Variants in MAGI1 observed in about 807,000 individuals in gnomAD.
MAGI1 encodes the protein membrane associated guanylate kinase, WW and PDZ domain containing 1, also known as membrane-associated guanylate kinase, WW and PDZ domain-containing protein 1.
In MAGI1, 58 loss-of-function variants were observed where a neutral mutation model predicts 139.9. The observed-to-expected ratio is 0.41, with a 90% CI of 0.34 to 0.52. MAGI1 has a LOEUF of 0.52. Among genes scored for constraint, MAGI1 ranks in the 20% least tolerant of loss-of-function variants. The pLI is 0.12. For missense variants in MAGI1, 1,874 were observed against 1,901.6 expected (o/e 0.99, Z 0.27); for synonymous variants, 812 against 737.9 (o/e 1.10, Z -1.63).
chr3:65,405,437 G>A (rs534181875), intron 12 of MAGI1, among the ~76,000 whole-genome samples: 1 of 152,248 alleles, frequency 6.6e-6, no homozygotes, highest in South Asian at 2.1e-4. Flanking sequence ...TGCAAAGAAA[G>A]GCTAGAAGGT....
chr3:65,994,479 GTGCTGACTAAAGACT>G (rs1257589972), intron 1 of MAGI1, among the ~76,000 whole-genome samples: 3 of 152,132 alleles, frequency 2.0e-5, no homozygotes, highest in Non-Finnish European at 4.4e-5. Flanking sequence ...TCCACCCTGG[GTGCTGACTAAAGACT>G]TCTTGAATGT....
chr3:65,359,390 G>A lies in MAGI1; in HGVS notation c.3634+1809C>T, dbSNP rs554170988. 1.9e-5 allele frequency: 24 copies of A among 1,286,580 alleles called. No individual in the cohort carries two copies. The Admixed American group carries it at 4.0e-4, about 21-fold the overall frequency. 79.7% of individuals were successfully genotyped at this position (1,286,580 alleles called of 1,614,324 possible). ...TTTTTAGACAGCCATAAGGTGACTC[G>A]AGAACCCAGACAACGAATGCATCCT... is the stretch of plus-strand genomic sequence containing the variant. On this transcript the variant is annotated intron_variant, in intron 22 of 22. Transcript: ENST00000402939.
intron 1 of MAGI1, among the ~76,000 whole-genome samples, chr3:65,790,768 A>G (rs904638127): frequency 6.6e-6 from 1 of 152,192 alleles, no homozygotes; most frequent in Non-Finnish European, 1.5e-5. Flanking sequence ...ATAGTTGTAC[A>G]AGGCTGGTAC....
chr3:65,534,967 C>T (rs938011150), intron 2 of MAGI1, among the ~76,000 whole-genome samples: 6 of 152,030 alleles, frequency 3.9e-5, no homozygotes, highest in African/African-American at 1.4e-4. Context: ...AGGGGAAGTG[C>T]CAACTCTCCA....
chr3:65,784,541 T>G (rs1399570099), intron 1 of MAGI1, among the ~76,000 whole-genome samples: 3 of 152,006 alleles, frequency 2.0e-5, no homozygotes, highest in Non-Finnish European at 4.4e-5. Context: ...CTGTCTCTAC[T>G]AAAAATACAA....
intron 1 of MAGI1, among the ~76,000 whole-genome samples, chr3:65,907,932 C>T (rs2061502703): frequency 6.6e-6 from 1 of 152,168 alleles, no homozygotes; most frequent in South Asian, 2.1e-4. Context: ...GTTACCCCGG[C>T]TCCATCACTC....
intron 2 of MAGI1, among the ~76,000 whole-genome samples, chr3:65,523,974 T>C (rs1233320146): frequency 6.6e-6 from 1 of 152,072 alleles, no homozygotes; most frequent in Non-Finnish European, 1.5e-5. Context: ...AGACCTCAAG[T>C]TACTACAGTG....
chr3:65,741,201 G>GTCT (rs1490796136), intron 1 of MAGI1, among the ~76,000 whole-genome samples: 1 of 150,224 alleles, frequency 6.7e-6, no homozygotes, highest in Admixed American at 6.6e-5. Context: ...TTTAAATGGA[G>GTCT]TCTCACTCTG....
intron 1 of MAGI1, chr3:65,844,193 G>T: frequency 2.0e-6 from 1 of 509,764 alleles, no homozygotes; most frequent in Non-Finnish European, 3.9e-6. Flanking sequence ...AGAGAGTCAT[G>T]CTGAACTTAA....
At chr3:65,521,092 T>C (rs1451573788) in intron 2 of MAGI1, among the ~76,000 whole-genome samples, 2 of 152,198 alleles carry the variant, frequency 1.3e-5, no homozygotes, top group Admixed American at 6.5e-5. Flanking sequence ...AGATGTGAGA[T>C]GTAATATGTA....
intron 14 of MAGI1, chr3:65,387,372 A>G (rs181915690): frequency 5.0e-5 from 26 of 521,522 alleles, no homozygotes; most frequent in Non-Finnish European, 7.4e-5. Flanking sequence ...CTATAGTTTG[A>G]TTCCATTTTT....
chr3:65,611,382 C>T lies in MAGI1; in HGVS notation c.430+10590G>A, dbSNP rs372952797. 3.5e-5 allele frequency among the ~76,000 whole-genome samples: 5 copies of T among 141,586 alleles called. No homozygotes were observed. In the East Asian group the frequency reaches 1.0e-3, roughly 29 times the overall value. The allele number at this position is 141,586 out of a possible 152,430, so 92.9% of individuals were successfully genotyped here. A position where few individuals can be genotyped will look rare whatever the true frequency, so the allele number is the denominator to read the frequency against. On this transcript the variant is annotated intron_variant, in intron 2 of 22. Transcript: ENST00000402939. ...TATATACAGTATATATACATATATA[C>T]AGAACACTGTATACTGTATATACAT... is the stretch of plus-strand genomic sequence containing the variant.
intron 1 of MAGI1, among the ~76,000 whole-genome samples, chr3:65,784,504 T>G (rs375162733): frequency 6.6e-6 from 1 of 151,872 alleles, no homozygotes; most frequent in Admixed American, 6.6e-5. Context: ...AATCACGAGG[T>G]CAGGAGATGA....
At chr3:65,637,744 G>T (rs1309618911) in intron 1 of MAGI1, among the ~76,000 whole-genome samples, 2 of 152,126 alleles carry the variant, frequency 1.3e-5, no homozygotes, top group Non-Finnish European at 2.9e-5. Flanking sequence ...GTTTAGGGCT[G>T]GGAACACAGG....
chr3:66,004,172 T>G (rs72910956), intron 1 of MAGI1, among the ~76,000 whole-genome samples: 209 of 152,246 alleles, frequency 1.4e-3, no homozygotes, highest in African/African-American at 4.9e-3. Context: ...TTACTAATGC[T>G]CCAAAATAAG....
intron 1 of MAGI1, among the ~76,000 whole-genome samples, chr3:65,850,399 G>T (rs998488495): frequency 6.6e-6 from 1 of 152,172 alleles, no homozygotes; most frequent in African/African-American, 2.4e-5. Flanking sequence ...TTGCATCCCA[G>T]GAACACTCTC....
chr3:66,002,407 G>A (rs982534971), intron 1 of MAGI1, among the ~76,000 whole-genome samples: 1 of 152,088 alleles, frequency 6.6e-6, no homozygotes, highest in South Asian at 2.1e-4. Flanking sequence ...CTCTTAGGTA[G>A]GAATTAGGGA....
At chr3:65,361,155 A>T (rs1474073514) in intron 22 of MAGI1, 44 bp downstream of exon 22, 2 of 1,614,066 alleles carry the variant, frequency 1.2e-6, no homozygotes, top group Admixed American at 1.7e-5. Context: ...AAATTCATGG[A>T]GTCATGCCAG....
Position 65,442,800 on chromosome 3 carries a change from G to A in MAGI1, c.1128C>T (p.Tyr376=), listed in dbSNP as rs200052209. Residue 376 remains tyrosine (Y), a synonymous_variant, in exon 8 of 23, where the codon TAC becomes TAT. Transcript: ENST00000402939. ...EKIEDPVYGI[Y]YVDHINRKTQ... is the part of the protein sequence containing the mutation. ...TGTGAATGGGCACTTACTCTACATA[G>A]TAGATACCATAGACAGGGTCTTCAA... The A allele has an allele frequency of 3.7e-6, 6 of 1,612,384 alleles. No homozygotes were observed. In the East Asian group the frequency reaches 1.1e-4, roughly 30 times the overall value.
Sources: allele counts gnomAD v4.1 joint callset (sites outside exome capture counted in the v4.1 genomes callset), GRCh38; gene constraint gnomAD v4.1.1; transcripts MANE v1.5; gene names NCBI Gene and HGNC (gene_info 2026-07-23, HGNC 2026-07-21).